ANKRD31: variants seen among roughly 807,000 people sequenced by gnomAD.
ANKRD31 encodes ankyrin repeat domain 31.
A neutral mutation model predicts 186.0 loss-of-function variants in ANKRD31; 147 were observed. The observed-to-expected ratio is 0.79, with a 90% CI of 0.69 to 0.91. The LOEUF (loss-of-function observed/expected upper bound fraction) is 0.91. ANKRD31 is among the 40% of genes least tolerant of loss of function. ANKRD31 has a pLI of 0.00. For synonymous variants in ANKRD31, 673 were observed against 736.4 expected (o/e 0.91, Z 1.39); for missense variants, 1,986 against 2,148.8 (o/e 0.92, Z 1.50).
intron 14 of ANKRD31, among the ~76,000 whole-genome samples, chr5:75,144,641 C>T (rs1751299242): frequency 6.6e-6 from 1 of 151,896 alleles, no homozygotes; most frequent in Non-Finnish European, 1.5e-5. Flanking sequence ...CCATAAAAAC[C>T]CTAGAAGAAA....
At chr5:75,169,163 C>G in intron 10 of ANKRD31, 42 bp from the exon 11 acceptor site, 1 of 1,521,414 alleles carries the variant, frequency 6.6e-7, no homozygotes, top group Non-Finnish European at 8.8e-7. Context: ...CATTTGGCAT[C>G]TTAATAATGT....
intron 2 of ANKRD31, among the ~76,000 whole-genome samples, chr5:75,224,153 ATATATATG>A (rs1356260169): frequency 0.019 from 1,013 of 53,634 alleles, 26 homozygotes; most frequent in African/African-American, 0.11. Flanking sequence ...ATATATATAT[ATATATATG>A]TATATATATA....
intron 25 of ANKRD31, among the ~76,000 whole-genome samples, chr5:75,076,113 C>T (rs771021825): frequency 1.3e-5 from 2 of 152,130 alleles, no homozygotes; most frequent in East Asian, 1.9e-4. Context: ...ACCAAATGTG[C>T]GGACTTTTTT....
chr5:75,218,653 C>T (rs1757108769), intron 3 of ANKRD31, among the ~76,000 whole-genome samples: 1 of 151,950 alleles, frequency 6.6e-6, no homozygotes, highest in African/African-American at 2.4e-5. Flanking sequence ...AAAAAGAAAA[C>T]TTCAGGCCAA....
intron 22 of ANKRD31, among the ~76,000 whole-genome samples, chr5:75,099,736 T>C (rs548443798): frequency 6.6e-6 from 1 of 152,342 alleles, no homozygotes; most frequent in East Asian, 1.9e-4. Context: ...TTTATAGTAT[T>C]CTCTGATGGT....
At chr5:75,236,008 GCA>G in intron 1 of ANKRD31, among the ~76,000 whole-genome samples, 1 of 152,178 alleles carries the variant, frequency 6.6e-6, no homozygotes, top group East Asian at 1.9e-4. Flanking sequence ...ACAGCCCTGA[GCA>G]CATATGAAGC....
At chr5:75,139,980 T>C (rs981305798) in intron 15 of ANKRD31, among the ~76,000 whole-genome samples, 1 of 152,064 alleles carries the variant, frequency 6.6e-6, no homozygotes, top group African/African-American at 2.4e-5. Flanking sequence ...AGGTTTGTTT[T>C]CTATAGAAAC....
chr5:75,096,914 G>A (rs983850466), intron 22 of ANKRD31, among the ~76,000 whole-genome samples: 3 of 150,138 alleles, frequency 2.0e-5, no homozygotes, highest in East Asian at 2.0e-4. Context: ...TGCAGCGTTC[G>A]GTTTTCTGTC....
chr5:75,083,783 G>A (rs1331407918), intron 24 of ANKRD31, among the ~76,000 whole-genome samples: 1 of 151,864 alleles, frequency 6.6e-6, no homozygotes, highest in East Asian at 1.9e-4. Context: ...CAAAGGATGA[G>A]TGGACAAATT....
At chr5:75,214,069 T>G (rs1756814247) in intron 3 of ANKRD31, among the ~76,000 whole-genome samples, 2 of 152,254 alleles carry the variant, frequency 1.3e-5, no homozygotes, top group African/African-American at 4.8e-5. Flanking sequence ...GTACCCAAAC[T>G]TGGTCATGTA....
intron 17 of ANKRD31, among the ~76,000 whole-genome samples, chr5:75,127,635 T>C (rs1209463098): frequency 6.6e-6 from 1 of 152,214 alleles, no homozygotes; most frequent in Non-Finnish European, 1.5e-5. Flanking sequence ...GAGTTCCATA[T>C]CAATTTTAGA....
Position 75,104,749 on chromosome 5 carries a change from A to AT in ANKRD31, c.4809dup (p.Ser1604IlefsTer18). 1 of 1,537,228 alleles carries AT rather than the reference A, an allele frequency of 6.5e-7. No homozygotes were observed. Among genetic ancestry groups the AT allele is most frequent in the Non-Finnish European group, 8.7e-7 (1 of 1,146,890 alleles). ...TGACCAATAAAAGCAACAGGTTGGGATGGTAATTTATTCTTCTCTGTGCCA... is the reference window on the plus strand; with the variant it reads ...TGACCAATAAAAGCAACAGGTTGGGATTGGTAATTTATTCTTCTCTGTGCCA... On this transcript the variant is annotated frameshift_variant, in exon 22 of 26. Transcript: ENST00000506364. LOFTEE classifies it high-confidence loss of function.
At chr5:75,135,243 G>A (rs1750468114) in intron 17 of ANKRD31, among the ~76,000 whole-genome samples, 1 of 152,156 alleles carries the variant, frequency 6.6e-6, no homozygotes, top group African/African-American at 2.4e-5. Flanking sequence ...GTTTGCAGAT[G>A]ACATGATTGT....
intron 10 of ANKRD31, among the ~76,000 whole-genome samples, chr5:75,181,196 C>A (rs1754264085): frequency 6.6e-6 from 1 of 152,106 alleles, no homozygotes; most frequent in South Asian, 2.1e-4. Flanking sequence ...TGCCATCTCA[C>A]CCCAGTTAGA....
Position 75,199,685 on chromosome 5 carries a change from A to G in ANKRD31, c.404-11T>C. The G allele has an allele frequency of 6.5e-7, 1 of 1,532,140 alleles. No homozygotes were observed. The allele number at this position is 1,532,140 out of a possible 1,614,324, so 94.9% of individuals were successfully genotyped here. ...TTTCAGCCTCTGGCCCTAGAAAAAA[A>G]CAATGTGTTTTCATTCCAGTTTTAT... On this transcript the variant is annotated splice_polypyrimidine_tract_variant and intron_variant, in intron 5 of 25. Transcript: ENST00000506364.
At chr5:75,127,535 C>T (rs112748902) in intron 17 of ANKRD31, among the ~76,000 whole-genome samples, 3,966 of 152,140 alleles carry the variant, frequency 0.026, 157 homozygotes, top group African/African-American at 0.09. Context: ...ATTACTATAG[C>T]TATGGAATAC....
chr5:75,234,281 A>G (rs1422429686), intron 1 of ANKRD31, among the ~76,000 whole-genome samples: 1 of 152,200 alleles, frequency 6.6e-6, no homozygotes, highest in African/African-American at 2.4e-5. Context: ...ATTAGGTCAG[A>G]TTTCTATCTC....
intron 20 of ANKRD31, among the ~76,000 whole-genome samples, chr5:75,111,835 A>G (rs1268396594): frequency 6.6e-6 from 1 of 152,192 alleles, no homozygotes; most frequent in Non-Finnish European, 1.5e-5. Flanking sequence ...TTGCAGTAAG[A>G]CATCCACCTG....
chr5:75,134,110 G>A (rs9752661), intron 17 of ANKRD31, among the ~76,000 whole-genome samples: 1 of 151,778 alleles, frequency 6.6e-6, no homozygotes, highest in Admixed American at 6.6e-5. Context: ...AAGAACTAGA[G>A]AAGCAAGAGC....
Sources: allele counts gnomAD v4.1 joint callset (sites outside exome capture counted in the v4.1 genomes callset), GRCh38; gene constraint gnomAD v4.1.1; transcripts MANE v1.5; gene names NCBI Gene and HGNC (gene_info 2026-07-23, HGNC 2026-07-21).